Variants in CYB5D2 observed in about 807,000 individuals in gnomAD.
CYB5D2 encodes cytochrome b5 domain containing 2.
CYB5D2 carries 23 observed loss-of-function variants against 22.8 expected under a neutral mutation model. The observed-to-expected ratio is 1.01, with a 90% CI of 0.73 to 1.43. CYB5D2 has a LOEUF of 1.43. Among genes scored for constraint, CYB5D2 ranks in the 40% most tolerant of loss-of-function variants. The pLI is 0.00. For synonymous variants in CYB5D2, 170 were observed against 152.2 expected (o/e 1.12, Z -0.86); for missense variants, 373 against 357.2 (o/e 1.04, Z -0.36).
rs2059124734 is a variant in CYB5D2 at position 4,157,493 on chromosome 17, C to T, written c.*411C>T. ...GATTCTGGAATTGGAAAAGCTTTTG[C>T]TTGTATGGATACAGCAAATCCAGAT... On this transcript the variant is annotated 3_prime_UTR_variant, in exon 4 of 4. Transcript: ENST00000301391. The surrounding 1 kb of genome is among the most constrained non-coding windows in gnomAD (Gnocchi z 4.4). The T allele has an allele frequency of 4.5e-6, 1 of 220,046 alleles. No individual in the cohort carries two copies. Among genetic ancestry groups the T allele is most frequent in the African/African-American group, 2.3e-5 (1 of 43,158 alleles). The allele number at this position is 220,046 out of a possible 1,614,324, so 13.6% of individuals were successfully genotyped here.
chr17:4,149,635 A>G (rs1420491105), intron 1 of CYB5D2, among the ~76,000 whole-genome samples: 4 of 151,870 alleles, frequency 2.6e-5, no homozygotes, highest in Non-Finnish European at 5.9e-5. Context: ...CATCTCTACT[A>G]AAAAAATACA....
rs1242914232 is a variant in CYB5D2 at position 4,143,481 on chromosome 17, C to T, written c.-275C>T. The T allele has an allele frequency of 4.7e-5, 13 of 276,352 alleles. No homozygotes were observed. The highest frequency in any genetic ancestry group is 8.1e-5 in the Non-Finnish European group (12 of 147,820). 17.1% of individuals were successfully genotyped at this position (276,352 alleles called of 1,614,324 possible). On this transcript the variant is annotated 5_prime_UTR_variant, in exon 1 of 4. Transcript: ENST00000301391. Reference sequence around the variant, plus strand: ...GCGGAGGTTGCAGTGAGCCGAGATTCCGCCAGTGCACTCCAGCCTGGACAA... The same window carrying T: ...GCGGAGGTTGCAGTGAGCCGAGATTTCGCCAGTGCACTCCAGCCTGGACAA...
In CYB5D2 at chr17:4,154,577, G is replaced by A. The variant is rs563235092; in HGVS notation, c.392-97G>A. 2.9e-6 allele frequency: 4 copies of A among 1,403,362 alleles called. No homozygotes were observed. In the African/African-American group the frequency reaches 5.7e-5, roughly 20 times the overall value. The allele number at this position is 1,403,362 out of a possible 1,614,324, so 86.9% of individuals were successfully genotyped here. A position where few individuals can be genotyped will look rare whatever the true frequency, so the allele number is the denominator to read the frequency against. ...GTTCTTATTAAACGCGCACCAGCAG[G>A]ACTGAAGTCAGAAACCCTGGGAACT... On this transcript the variant is annotated intron_variant, in intron 2 of 3. Transcript: ENST00000301391.
Position 4,154,760 on chromosome 17 carries a change from G to A in CYB5D2, c.478G>A (p.Glu160Lys), listed in dbSNP as rs762601332. The A allele has an allele frequency of 5.0e-6, 8 of 1,614,190 alleles. No homozygotes were observed. Among genetic ancestry groups the A allele is most frequent in the Non-Finnish European group, 5.1e-6 (6 of 1,180,034 alleles). ...QVEAAITRGL[E>K]ANKLQLQEKQ... Reference sequence around the variant, plus strand: ...AGAAGCTGCGATCACCAGAGGCTTGGAGGCCAACAAACTACAGCTGCAAGA... The same window carrying A: ...AGAAGCTGCGATCACCAGAGGCTTGAAGGCCAACAAACTACAGCTGCAAGA... Residue 160 changes from glutamate (E) to lysine (K), a missense_variant, in exon 3 of 4, where the codon GAG becomes AAG. Physicochemically the swap from Glu to Lys is moderately conservative, Grantham distance 56 (BLOSUM62 1). Transcript: ENST00000301391.
chr17:4,153,927 A>G (rs1027370775), intron 2 of CYB5D2, among the ~76,000 whole-genome samples: 1 of 152,236 alleles, frequency 6.6e-6, no homozygotes, highest in Non-Finnish European at 1.5e-5. Flanking sequence ...AGGTAAAGCT[A>G]GTTCTTAGGG....
chr17:4,144,077 G>T, intron 1 of CYB5D2, 72 bp downstream of exon 1: 1 of 1,513,314 alleles, frequency 6.6e-7, no homozygotes, highest in Non-Finnish European at 8.8e-7. Context: ...TCGTTCGTTG[G>T]TTCATTATTC....
intron 3 of CYB5D2, among the ~76,000 whole-genome samples, chr17:4,155,983 C>T (rs550804812): frequency 5.9e-5 from 9 of 152,310 alleles, no homozygotes; most frequent in African/African-American, 1.7e-4. Context: ...GAACAAGTGC[C>T]GAAGGCAGGG....
intron 1 of CYB5D2, among the ~76,000 whole-genome samples, chr17:4,148,280 G>A (rs1026258047): frequency 1.3e-4 from 20 of 152,274 alleles, no homozygotes; most frequent in Middle Eastern, 6.8e-3. Flanking sequence ...ACTTTGGGAG[G>A]GCAGGGCGGG....
intron 2 of CYB5D2, chr17:4,150,989 G>C (rs1277718519): frequency 1.3e-5 from 2 of 152,358 alleles, no homozygotes; most frequent in East Asian, 3.9e-4. Flanking sequence ...CTGACTTCCT[G>C]AGGAACACCA....
rs28372950 is a variant in CYB5D2 at position 4,143,642 on chromosome 17, CGA to C, written c.-104_-103del. 260,466 of 1,436,536 alleles carry C rather than the reference CGA, an allele frequency of 0.18. 24,901 individuals are homozygous for C. The highest frequency in any genetic ancestry group is 0.21 in the East Asian group (8,822 of 42,372). 89.0% of individuals were successfully genotyped at this position (1,436,536 alleles called of 1,614,324 possible). The stretch of plus-strand genomic sequence containing the variant: ...GGGAGGGAGCGCGAGCACTAGCGCG[CGA>C]GAGAGAGAGCGAGAGCGCGCGCGCC... On this transcript the variant is annotated 5_prime_UTR_variant, in exon 1 of 4. Coordinates refer to ENST00000301391, the MANE Select transcript of CYB5D2 (RefSeq NM_144611.4).
chr17:4,151,324 T>G (rs1179439872), intron 2 of CYB5D2, among the ~76,000 whole-genome samples: 1 of 152,188 alleles, frequency 6.6e-6, no homozygotes, highest in Admixed American at 6.5e-5. Flanking sequence ...GTTCTTCCCT[T>G]TCCCAATGAA....
chr17:4,144,599 A>G (rs888173696), intron 1 of CYB5D2, among the ~76,000 whole-genome samples: 18 of 152,202 alleles, frequency 1.2e-4, no homozygotes, highest in African/African-American at 4.1e-4. Context: ...GGCAGAGGAA[A>G]GGGGTCCAGT....
At chr17:4,154,553 T>G in intron 2 of CYB5D2, 121 bp from the exon 3 acceptor site, 2 of 1,160,168 alleles carry the variant, frequency 1.7e-6, no homozygotes, top group Non-Finnish European at 1.2e-6. Context: ...GCAGTAGAAG[T>G]TCTTATTAAA....
chr17:4,152,646 C>A (rs1040534499), intron 2 of CYB5D2, among the ~76,000 whole-genome samples: 1 of 152,200 alleles, frequency 6.6e-6, no homozygotes, highest in African/African-American at 2.4e-5. Flanking sequence ...AACACAGACA[C>A]CCCAACCCCC....
intron 2 of CYB5D2, among the ~76,000 whole-genome samples, chr17:4,153,624 G>T (rs1322654022): frequency 6.6e-6 from 1 of 152,222 alleles, no homozygotes; most frequent in Non-Finnish European, 1.5e-5. Context: ...CCAGAGAGCA[G>T]TTAGGAGGCC....
chr17:4,156,164 C>T (rs1161163020), intron 3 of CYB5D2, among the ~76,000 whole-genome samples: 1 of 152,246 alleles, frequency 6.6e-6, no homozygotes, highest in East Asian at 1.9e-4. Flanking sequence ...GTTCCAAGAA[C>T]CTCAGTTTCT....
intron 2 of CYB5D2, among the ~76,000 whole-genome samples, chr17:4,152,238 C>CAT (rs1371776931): frequency 6.6e-6 from 1 of 152,174 alleles, no homozygotes; most frequent in African/African-American, 2.4e-5. Flanking sequence ...ACCTACTACT[C>CAT]ATAAGTTACG....
At chr17:4,151,124 C>G (rs1000885432) in intron 2 of CYB5D2, 1 of 152,214 alleles carries the variant, frequency 6.6e-6, no homozygotes, top group African/African-American at 2.4e-5. Flanking sequence ...TTTATTAACA[C>G]CTCAGCTCCC....
chr17:4,150,751 T>C (rs1427521030), intron 2 of CYB5D2, among the ~76,000 whole-genome samples: 1 of 152,158 alleles, frequency 6.6e-6, no homozygotes, highest in Non-Finnish European at 1.5e-5. Context: ...CTGGGCGTGG[T>C]GGCACGCACC....
Sources: allele counts gnomAD v4.1 joint callset (sites outside exome capture counted in the v4.1 genomes callset), GRCh38; gene constraint gnomAD v4.1.1; non-coding constraint Gnocchi (gnomAD v3.1); transcripts MANE v1.5; gene names NCBI Gene and HGNC (gene_info 2026-07-23, HGNC 2026-07-21).